Variants in SYCP1 observed in about 807,000 individuals in gnomAD.
The protein encoded by SYCP1 is cancer/testis antigen 8.
Under a neutral mutation model 153.1 loss-of-function variants are expected in SYCP1, and 64 were observed. The ratio of observed to expected loss-of-function variants is 0.42; its 90% CI spans 0.34 to 0.51. SYCP1 has a LOEUF of 0.51. Among genes scored for constraint, SYCP1 ranks in the 20% least tolerant of loss-of-function variants. The probability of loss-of-function intolerance (pLI) is 0.06; values close to 1 mark genes in which losing one functional copy is unlikely to be tolerated. For missense variants in SYCP1, 997 were observed against 1,049.0 expected, an observed-to-expected ratio of 0.95 and a Z score of 0.68; for synonymous variants, 384 against 341.8, an observed-to-expected ratio of 1.12 and a Z score of -1.36.
intron 19 of SYCP1, 62 bp downstream of exon 19, chr1:114,913,212 TG>T: frequency 1.1e-5 from 15 of 1,348,044 alleles, no homozygotes; most frequent in Non-Finnish European, 1.6e-5. Flanking sequence ...TTAGAATAGA[TG>T]ACCTCTAAAG....
chr1:114,978,005 TG>T (rs1672915296), intron 28 of SYCP1, among the ~76,000 whole-genome samples: 1 of 151,662 alleles, frequency 6.6e-6, no homozygotes, highest in African/African-American at 2.4e-5. Context: ...TGTCTAATTT[TG>T]GGTTTTGAGG....
At chr1:114,927,204 TTAAG>T (rs1404813602) in intron 23 of SYCP1, among the ~76,000 whole-genome samples, 2 of 111,378 alleles carry the variant, frequency 1.8e-5, no homozygotes, top group African/African-American at 5.4e-5. Flanking sequence ...TGATTAAAAA[TTAAG>T]TAAGGATTTT....
chr1:114,927,185 A>C (rs1402668918), intron 23 of SYCP1, among the ~76,000 whole-genome samples: 1 of 135,098 alleles, frequency 7.4e-6, no homozygotes, highest in East Asian at 2.2e-4. Flanking sequence ...AATTAAAAAT[A>C]TATAAATGTG....
rs564037881 is a variant in SYCP1 at position 114,976,500 on chromosome 1, T to C, written c.2323-1057T>C. On this transcript the variant is annotated intron_variant, in intron 27 of 31. Coordinates refer to ENST00000369522, the MANE Select transcript of SYCP1 (RefSeq NM_003176.4). ...TATTAGAAGAGACTTTACCAAGATCTCCAGACGAGGAAAAGTCAGAATTGC... is the reference window on the plus strand; with the variant it reads ...TATTAGAAGAGACTTTACCAAGATCCCCAGACGAGGAAAAGTCAGAATTGC... Among the ~76,000 whole-genome samples the C allele has an allele frequency of 3.9e-5, 6 of 151,922 alleles. No homozygotes were observed. The East Asian group carries it at 9.7e-4, about 24-fold the overall frequency.
chr1:114,880,496 G>A (rs1332346670), intron 12 of SYCP1, among the ~76,000 whole-genome samples: 1 of 152,148 alleles, frequency 6.6e-6, no homozygotes, highest in African/African-American at 2.4e-5. Flanking sequence ...GAGAAATTGG[G>A]GGTATGTTGG....
At chr1:114,867,182 A>T (rs1570660267) in intron 8 of SYCP1, among the ~76,000 whole-genome samples, 2 of 152,128 alleles carry the variant, frequency 1.3e-5, no homozygotes, top group Non-Finnish European at 1.5e-5. Context: ...GAATTTGAAT[A>T]GTATCAGTTC....
At chr1:114,918,953 C>T (rs1036768831) in intron 20 of SYCP1, among the ~76,000 whole-genome samples, 6 of 151,794 alleles carry the variant, frequency 4.0e-5, no homozygotes, top group Middle Eastern at 3.4e-3. Flanking sequence ...TACATCTGCA[C>T]GCAAGGATAA....
At chr1:114,980,898 G>C (rs147586191) in intron 28 of SYCP1, among the ~76,000 whole-genome samples, 1 of 151,732 alleles carries the variant, frequency 6.6e-6, no homozygotes, top group African/African-American at 2.4e-5. Context: ...ACCTATACCC[G>C]TTAGTTATTT....
intron 8 of SYCP1, among the ~76,000 whole-genome samples, chr1:114,869,555 A>G (rs764790257): frequency 4.7e-4 from 72 of 152,268 alleles, no homozygotes; most frequent in Middle Eastern, 3.4e-3. Context: ...TGATGGTTTT[A>G]TTGAATCCAA....
At chr1:114,896,181 A>G (rs1419725962) in intron 16 of SYCP1, among the ~76,000 whole-genome samples, 1 of 152,164 alleles carries the variant, frequency 6.6e-6, no homozygotes, top group Non-Finnish European at 1.5e-5. Flanking sequence ...AGAATATAAT[A>G]TTGTTTATGA....
At chr1:114,899,995 A>C (rs1667318234) in intron 16 of SYCP1, among the ~76,000 whole-genome samples, 1 of 152,176 alleles carries the variant, frequency 6.6e-6, no homozygotes, top group Admixed American at 6.5e-5. Context: ...TAAATCATTT[A>C]TTTTGCCAAA....
intron 30 of SYCP1, among the ~76,000 whole-genome samples, chr1:114,987,522 A>AG (rs908423925): frequency 6.6e-6 from 1 of 151,950 alleles, no homozygotes; most frequent in African/African-American, 2.4e-5. Context: ...AAAATTAGCC[A>AG]GGTGTGGTGG....
At chr1:114,967,687 G>A (rs1258755106) in intron 27 of SYCP1, among the ~76,000 whole-genome samples, 5 of 152,100 alleles carry the variant, frequency 3.3e-5, no homozygotes, top group Admixed American at 6.5e-5. Flanking sequence ...TTACATTTAA[G>A]GTTAATATTG....
At chr1:114,894,522 G>T (rs1432038332) in intron 15 of SYCP1, among the ~76,000 whole-genome samples, 1 of 152,078 alleles carries the variant, frequency 6.6e-6, no homozygotes, top group Admixed American at 6.5e-5. Context: ...GGGCTGGAAA[G>T]ATTTTTCAAT....
chr1:114,864,168 G>C (rs890039306), intron 8 of SYCP1, among the ~76,000 whole-genome samples: 1 of 151,684 alleles, frequency 6.6e-6, no homozygotes, highest in Non-Finnish European at 1.5e-5. Context: ...TGAGGGGAGA[G>C]GATACAGATC....
intron 16 of SYCP1, among the ~76,000 whole-genome samples, chr1:114,909,691 A>G (rs1570750935): frequency 6.6e-6 from 1 of 152,178 alleles, no homozygotes; most frequent in African/African-American, 2.4e-5. Flanking sequence ...TGACTTCCAT[A>G]GAGTAGTGTA....
intron 24 of SYCP1, 49 bp downstream of exon 24, chr1:114,944,504 T>C (rs2101819357): frequency 9.3e-7 from 1 of 1,079,334 alleles, no homozygotes; most frequent in Non-Finnish European, 1.3e-6. Flanking sequence ...AAAATCTATA[T>C]TTTTATTAGG....
Position 114,976,306 on chromosome 1 carries a change from ACT to A in SYCP1, c.2323-1246_2323-1245del, listed in dbSNP as rs558711247. On this transcript the variant is annotated intron_variant, in intron 27 of 31. Transcript: ENST00000369522. ...ATTCTCTACTCTGGTGATCAAGTCA[ACT>A]CTCTGTTTGCCAGGCCGTATTATAG... 2.3e-3 allele frequency among the ~76,000 whole-genome samples: 345 copies of A among 151,776 alleles called. 1 individual carries two copies. The highest frequency in any genetic ancestry group is 8.0e-3 in the African/African-American group (333 of 41,478).
In SYCP1 at chr1:114,944,992, T is replaced by A; in HGVS notation, c.2154+10T>A. On this transcript the variant is annotated intron_variant, in intron 25 of 31. Transcript: ENST00000369522. ...TATGGAAAAACATAAGGTAATTTTT[T>A]TCTTCTTATATAATGAAAATTATTA... 1 of 1,538,988 alleles carries A rather than the reference T, an allele frequency of 6.5e-7. No individual in the cohort carries two copies. Among genetic ancestry groups the A allele is most frequent in the Non-Finnish European group, 8.8e-7 (1 of 1,139,548 alleles).
Sources: gnomAD v4.1 joint callset for allele counts (sites outside exome capture counted in the v4.1 genomes callset) on GRCh38, gnomAD v4.1.1 for gene constraint, MANE v1.5 for transcripts, NCBI Gene and HGNC (gene_info 2026-07-23, HGNC 2026-07-21) for gene names.